The following ACTR3C variants were observed in gnomAD, a reference collection of about 807,000 sequenced individuals.
The protein encoded by ACTR3C is actin-related protein 3C.
Under a neutral mutation model 26.3 loss-of-function variants are expected in ACTR3C, and 18 were observed. The observed-to-expected ratio is 0.68, with a 90% CI of 0.47 to 1.01. The LOEUF (loss-of-function observed/expected upper bound fraction) is 1.01, where lower values mean the gene tolerates loss of function less well. Ranked by LOEUF, ACTR3C falls within the 50% of genes least tolerant of loss-of-function variation. ACTR3C has a pLI of 0.00. For missense variants in ACTR3C, 184 were observed against 250.7 expected, an observed-to-expected ratio of 0.73 and a Z score of 1.80; for synonymous variants, 55 against 94.5, an observed-to-expected ratio of 0.58 and a Z score of 2.42.
At chr7:150,131,117 A>G in the ACTR3C span, among the ~76,000 whole-genome samples, 3 of 152,246 alleles carry the variant, frequency 2.0e-5, no homozygotes, top group Admixed American at 6.5e-5. Flanking sequence ...GAGAATGTGA[A>G]TGAATGCATA....
chr7:150,163,062 G>C, the ACTR3C span, among the ~76,000 whole-genome samples: 2 of 151,972 alleles, frequency 1.3e-5, no homozygotes, highest in Non-Finnish European at 2.9e-5. Flanking sequence ...GCTGAGGCAG[G>C]AGAATTTCTT....
the ACTR3C span, among the ~76,000 whole-genome samples, chr7:150,159,012 G>GCA: frequency 7.8e-6 from 1 of 128,910 alleles, no homozygotes; most frequent in Admixed American, 7.9e-5. Context: ...CGCACATTCA[G>GCA]CACACACACT....
chr7:150,152,095 T>C, the ACTR3C span, among the ~76,000 whole-genome samples: 4 of 151,794 alleles, frequency 2.6e-5, no homozygotes, highest in African/African-American at 9.6e-5. Flanking sequence ...ACAGGGACAA[T>C]TTGACTTCCT....
the ACTR3C span, among the ~76,000 whole-genome samples, chr7:150,112,912 T>G: frequency 2.1e-4 from 32 of 152,140 alleles, 1 homozygote; most frequent in Non-Finnish European, 3.5e-4. Context: ...AAGCACCCCA[T>G]GTATTTATGC....
intron 1 of ACTR3C, among the ~76,000 whole-genome samples, chr7:150,300,503 G>A (rs1162772195): frequency 2.6e-5 from 4 of 152,050 alleles, no homozygotes; most frequent in Admixed American, 6.5e-5. Context: ...AGGGGGGCAC[G>A]CTCTCTAGAA....
chr7:150,033,995 G>T, the ACTR3C span, among the ~76,000 whole-genome samples: 6 of 150,344 alleles, frequency 4.0e-5, no homozygotes, highest in African/African-American at 5.0e-5. Context: ...GCCTCGGGGG[G>T]ATTGCCTGCC....
At chr7:149,990,707 C>G in the ACTR3C span, among the ~76,000 whole-genome samples, 155 of 150,530 alleles carry the variant, frequency 1.0e-3, no homozygotes, top group East Asian at 3.2e-3. Context: ...TGGGGGAACT[C>G]AAGATGTTTT....
At chr7:150,035,674 C>T in the ACTR3C span, among the ~76,000 whole-genome samples, 3 of 133,486 alleles carry the variant, frequency 2.2e-5, no homozygotes, top group African/African-American at 8.3e-5. Flanking sequence ...CAGGTGGGTC[C>T]TAAGGATCTT....
At chr7:149,967,887 G>A in the ACTR3C span, among the ~76,000 whole-genome samples, 1 of 152,086 alleles carries the variant, frequency 6.6e-6, no homozygotes, top group Non-Finnish European at 1.5e-5. Context: ...TCTTGGGGGT[G>A]TGTCGGGGGG....
At chr7:150,003,708 T>G in the ACTR3C span, among the ~76,000 whole-genome samples, 2 of 152,180 alleles carry the variant, frequency 1.3e-5, no homozygotes, top group Non-Finnish European at 2.9e-5. Flanking sequence ...GTGTGCTGTA[T>G]GTGTGGTGTC....
the ACTR3C span, among the ~76,000 whole-genome samples, chr7:149,993,610 G>A: frequency 0.027 from 4,128 of 152,090 alleles, 104 homozygotes; most frequent in African/African-American, 0.076. Flanking sequence ...CACTTCTGTC[G>A]GAATCAGCTT....
the ACTR3C span, among the ~76,000 whole-genome samples, chr7:149,911,680 A>AC: frequency 6.6e-6 from 1 of 151,948 alleles, no homozygotes; most frequent in East Asian, 1.9e-4. Context: ...AAAAAAAAAA[A>AC]ACACTGAAAC....
the ACTR3C span, among the ~76,000 whole-genome samples, chr7:150,156,520 T>C: frequency 6.6e-6 from 1 of 151,344 alleles, no homozygotes; most frequent in African/African-American, 2.4e-5. Context: ...TGCCATAGAA[T>C]AGGTATCCTG....
chr7:149,963,127 C>T, the ACTR3C span, among the ~76,000 whole-genome samples: 1 of 152,222 alleles, frequency 6.6e-6, no homozygotes, highest in Non-Finnish European at 1.5e-5. Flanking sequence ...ACTGAGTTGG[C>T]CTCTCTGCCT....
At chr7:150,115,889 G>A in the ACTR3C span, among the ~76,000 whole-genome samples, 4 of 152,178 alleles carry the variant, frequency 2.6e-5, no homozygotes, top group Admixed American at 2.6e-4. Context: ...TGCACTGAAT[G>A]TGCATAGTGC....
At chr7:149,973,165 G>A in the ACTR3C span, among the ~76,000 whole-genome samples, 1 of 152,200 alleles carries the variant, frequency 6.6e-6, no homozygotes, top group African/African-American at 2.4e-5. Flanking sequence ...TGAGCAGGCG[G>A]CACATCTGTC....
At chr7:149,925,677 C>A in the ACTR3C span, among the ~76,000 whole-genome samples, 1,423 of 151,864 alleles carry the variant, frequency 9.4e-3, 23 homozygotes, top group African/African-American at 0.033. Flanking sequence ...AAGTGGATCC[C>A]ACTGGGTCCA....
At chr7:150,202,566 G>A in the ACTR3C span, among the ~76,000 whole-genome samples, 1 of 152,108 alleles carries the variant, frequency 6.6e-6, no homozygotes, top group African/African-American at 2.4e-5. Flanking sequence ...TATCTTCACT[G>A]TCAAAGCTCT....
At chr7:150,149,079 GTATATATATATATATATATA>G in the ACTR3C span, among the ~76,000 whole-genome samples, 13,381 of 93,116 alleles carry the variant, frequency 0.14, 1,236 homozygotes, top group South Asian at 0.23. Context: ...TAAAGTTTGA[GTATATATATATATATATATA>G]TATATATATA....
Sources: allele counts gnomAD v4.1 joint callset (sites outside exome capture counted in the v4.1 genomes callset), GRCh38; gene constraint gnomAD v4.1.1; transcripts MANE v1.5; gene names NCBI Gene and HGNC (gene_info 2026-07-23, HGNC 2026-07-21).